Variants in GRIP2 observed in about 807,000 individuals in gnomAD.
GRIP2 encodes glutamate receptor interacting protein 2.
Under a neutral mutation model 108.3 loss-of-function variants are expected in GRIP2, and 58 were observed. That is an observed-to-expected ratio of 0.54 (90% CI 0.43 to 0.67). The LOEUF (loss-of-function observed/expected upper bound fraction) is 0.67. Among genes scored for constraint, GRIP2 ranks in the 30% least tolerant of loss-of-function variants. GRIP2 has a pLI of 0.00. For synonymous variants in GRIP2, 586 were observed against 598.2 expected, an observed-to-expected ratio of 0.98 and a Z score of 0.30; for missense variants, 1,278 against 1,430.6, an observed-to-expected ratio of 0.89 and a Z score of 1.72.
chr3:14,522,990 C>T lies in GRIP2; in HGVS notation c.566+10G>A. On this transcript the variant is annotated intron_variant, in intron 6 of 23. Coordinates refer to ENST00000621039, the MANE Select transcript of GRIP2 (RefSeq NM_001080423.4). This position sits in a 1 kb window ranked among gnomAD's most constrained non-coding sequence, Gnocchi z 4.3. ...AGTGCAGTGTGTGGATTTCTTCTGCCTCGGCTCACCTGTCGGCAGGGCCAC... is the reference window on the plus strand; with the variant it reads ...AGTGCAGTGTGTGGATTTCTTCTGCTTCGGCTCACCTGTCGGCAGGGCCAC... 1 of 1,613,276 alleles carries T rather than the reference C, an allele frequency of 6.2e-7. No homozygotes were observed. The highest frequency in any genetic ancestry group is 8.5e-7 in the Non-Finnish European group (1 of 1,179,372).
At chr3:14,494,278 C>T (rs1173074934) in intron 23 of GRIP2, among the ~76,000 whole-genome samples, 1 of 152,176 alleles carries the variant, frequency 6.6e-6, no homozygotes, top group Non-Finnish European at 1.5e-5. Context: ...AAAGTGCCAT[C>T]AATTTAGAGA....
chr3:14,495,158 C>T (rs1472881790), intron 22 of GRIP2, among the ~76,000 whole-genome samples, 169 bp from the exon 23 acceptor site: 7 of 152,096 alleles, frequency 4.6e-5, no homozygotes, highest in African/African-American at 1.2e-4. Flanking sequence ...CCCGCCACCC[C>T]GCTCCCTGCC....
rs548659938 is a variant in GRIP2 at position 14,504,564 on chromosome 3, C to G, written c.2574-893G>C. On this transcript the variant is annotated intron_variant, in intron 20 of 23. Transcript: ENST00000621039. ...CGACCTCGTGATCTGCCCACTTCAGCCTCCTGAAGTGCTGGGATTACAGGC... is the reference window on the plus strand; with the variant it reads ...CGACCTCGTGATCTGCCCACTTCAGGCTCCTGAAGTGCTGGGATTACAGGC... Among the ~76,000 whole-genome samples, 79 of 152,286 alleles carry G rather than the reference C, an allele frequency of 5.2e-4. No homozygotes were observed. The South Asian group carries it at 0.015, about 28-fold the overall frequency.
At chr3:14,583,918 C>T in the GRIP2 span, among the ~76,000 whole-genome samples, 2,633 of 152,318 alleles carry the variant, frequency 0.017, 89 homozygotes, top group African/African-American at 0.06. Context: ...GGAGGGTCTC[C>T]TTTCTAGTCA....
At chr3:14,578,996 T>C in the GRIP2 span, among the ~76,000 whole-genome samples, 1 of 152,158 alleles carries the variant, frequency 6.6e-6, no homozygotes, top group Non-Finnish European at 1.5e-5. Flanking sequence ...GAAACACATA[T>C]TCACATGACA....
At chr3:14,544,038 G>A (rs1484611329), upstream of GRIP2, among the ~76,000 whole-genome samples, 1 of 152,166 alleles carries the variant, frequency 6.6e-6, no homozygotes, top group African/African-American at 2.4e-5. Flanking sequence ...CGTCAAATAG[G>A]CCAGAAACAG....
At chr3:14,520,032 C>A in intron 9 of GRIP2, 78 bp downstream of exon 9, 2 of 1,382,628 alleles carry the variant, frequency 1.4e-6, no homozygotes. Context: ...TCCCAGCCTG[C>A]CCAGGGCTCT....
chr3:14,550,619 T>C (rs565752320), intron 1 of GRIP2, among the ~76,000 whole-genome samples: 2 of 152,280 alleles, frequency 1.3e-5, no homozygotes, highest in South Asian at 4.1e-4. Flanking sequence ...AATCTCCTCA[T>C]GCATAAAATG....
intron 1 of GRIP2, among the ~76,000 whole-genome samples, chr3:14,553,866 T>TCC (rs918107603): frequency 1.3e-5 from 2 of 152,160 alleles, no homozygotes; most frequent in Non-Finnish European, 2.9e-5. Context: ...TCCTTGTGCC[T>TCC]CCCTCAGTGC....
chr3:14,572,574 T>C, the GRIP2 span, among the ~76,000 whole-genome samples: 1 of 110,996 alleles, frequency 9.0e-6, no homozygotes, highest in African/African-American at 3.6e-5. Context: ...ATCCCGCCAC[T>C]GCACTCCAGC....
At chr3:14,499,970 C>A (rs186645938) in intron 21 of GRIP2, among the ~76,000 whole-genome samples, 6 of 152,164 alleles carry the variant, frequency 3.9e-5, no homozygotes, top group Admixed American at 1.3e-4. Context: ...GGGCTACATG[C>A]GGCCCGTGGG....
At chr3:14,529,921 G>A (rs1310083129) in intron 1 of GRIP2, among the ~76,000 whole-genome samples, 1 of 152,162 alleles carries the variant, frequency 6.6e-6, no homozygotes, top group Non-Finnish European at 1.5e-5. Context: ...CTGGGTGCTT[G>A]CCAAAGTATC....
rs916469630 is a variant in GRIP2 at position 14,514,285 on chromosome 3, G to A, written c.1493+7C>T. 8 of 1,545,340 alleles carry A rather than the reference G, an allele frequency of 5.2e-6. No homozygotes were observed. In the African/African-American group the frequency reaches 6.8e-5, roughly 13 times the overall value. On this transcript the variant is annotated splice_region_variant and intron_variant, in intron 12 of 23. Transcript: ENST00000621039. ...CAGGCTCAGTAGGGAGGGGGCAGGA[G>A]GCTCACCTCTCAGCCGGACTGTCAG...
intron 1 of GRIP2, among the ~76,000 whole-genome samples, chr3:14,550,229 A>G (rs1695124089): frequency 1.3e-5 from 2 of 152,092 alleles, no homozygotes; most frequent in East Asian, 1.9e-4. Context: ...AGCAGAGCCA[A>G]TTCCCACCTC....
At chr3:14,493,884 G>A in intron 23 of GRIP2, 58 bp from the exon 24 acceptor site, 2 of 1,551,246 alleles carry the variant, frequency 1.3e-6, no homozygotes, top group Non-Finnish European at 1.8e-6. Flanking sequence ...TGCGCTGAAG[G>A]GAGCAAGAGG....
At chr3:14,564,565 G>A in the GRIP2 span, among the ~76,000 whole-genome samples, 1 of 152,248 alleles carries the variant, frequency 6.6e-6, no homozygotes. Context: ...GCACCCGGTG[G>A]TGTGACATTT....
the GRIP2 span, among the ~76,000 whole-genome samples, chr3:14,576,674 C>T: frequency 1.3e-5 from 2 of 152,246 alleles, no homozygotes; most frequent in African/African-American, 4.8e-5. Flanking sequence ...GCAACACCGG[C>T]CAGTCAACAA....
chr3:14,567,997 C>G, the GRIP2 span, among the ~76,000 whole-genome samples: 2 of 152,152 alleles, frequency 1.3e-5, no homozygotes, highest in Non-Finnish European at 2.9e-5. Context: ...ACGGCCCATG[C>G]AAAGGCCCTG....
intron 23 of GRIP2, among the ~76,000 whole-genome samples, chr3:14,494,334 C>G (rs1693513149): frequency 6.6e-6 from 1 of 152,192 alleles, no homozygotes; most frequent in Admixed American, 6.5e-5. Flanking sequence ...AAAAAACACA[C>G]TGAGGGAGCA....
Sources: gnomAD v4.1 joint callset for allele counts (sites outside exome capture counted in the v4.1 genomes callset) on GRCh38, gnomAD v4.1.1 for gene constraint, Gnocchi (gnomAD v3.1) non-coding constraint, MANE v1.5 for transcripts, NCBI Gene and HGNC (gene_info 2026-07-23, HGNC 2026-07-21) for gene names.